DENND1A: variants seen among roughly 807,000 people sequenced by gnomAD.
DENND1A encodes the protein DENN domain-containing protein 1A.
DENND1A carries 51 observed loss-of-function variants against 113.7 expected under a neutral mutation model. The observed-to-expected ratio is 0.45, with a 90% confidence interval of 0.36 to 0.57. The LOEUF (loss-of-function observed/expected upper bound fraction) is 0.57. DENND1A is among the 20% of genes least tolerant of loss of function. The pLI, the probability that DENND1A is intolerant of heterozygous loss-of-function variation, is 0.00. For missense variants in DENND1A, 1,258 were observed against 1,395.9 expected (o/e 0.90, Z 1.57); for synonymous variants, 565 against 570.8 (o/e 0.99, Z 0.14).
chr9:123,813,618 C>T (rs982792128), intron 2 of DENND1A, among the ~76,000 whole-genome samples: 2 of 152,054 alleles, frequency 1.3e-5, no homozygotes, highest in South Asian at 2.1e-4. Flanking sequence ...TATACTGAGT[C>T]GGCTTTACTT....
chr9:123,545,965 G>A lies in DENND1A; in HGVS notation c.993+11605C>T, dbSNP rs557799904. On this transcript the variant is annotated intron_variant, in intron 13 of 23. Coordinates refer to ENST00000394215, the MANE Select transcript of DENND1A (RefSeq NM_001352964.2). The stretch of plus-strand genomic sequence containing the variant: ...TTTTAAAACACCAGTAGCAGCAACC[G>A]TTTCTCTTTGCCACTGCTTCCACAA... Among the ~76,000 whole-genome samples, 141 of 152,248 alleles carry A rather than the reference G, an allele frequency of 9.3e-4. 1 individual carries two copies. In the South Asian group the frequency reaches 0.024, roughly 26 times the overall value.
intron 19 of DENND1A, among the ~76,000 whole-genome samples, chr9:123,437,354 C>G (rs1186151517): frequency 6.6e-6 from 1 of 152,206 alleles, no homozygotes; most frequent in Admixed American, 6.5e-5. Context: ...CGACACTAAG[C>G]TCCCCTCTTG....
rs1221445494 is a variant in DENND1A at position 123,878,341 on chromosome 9, T to A, written c.88+610A>T. Among the ~76,000 whole-genome samples, 4 of 145,596 alleles carry A rather than the reference T, an allele frequency of 2.7e-5. No individual in the cohort carries two copies. The East Asian group carries it at 7.7e-4, about 28-fold the overall frequency. Reference sequence around the variant, plus strand: ...CTAGATCATAAGGTTATTTTTCTCATTAACCAAGAAAGATTTTAAGAAGAA... The same window carrying A: ...CTAGATCATAAGGTTATTTTTCTCAATAACCAAGAAAGATTTTAAGAAGAA... On this transcript the variant is annotated intron_variant, in intron 2 of 23. Transcript: ENST00000394215.
At chr9:123,901,982 G>A (rs1370639029) in intron 1 of DENND1A, among the ~76,000 whole-genome samples, 1 of 151,800 alleles carries the variant, frequency 6.6e-6, no homozygotes. Flanking sequence ...CTCTAGCCTG[G>A]GAGACAGAGC....
intron 2 of DENND1A, among the ~76,000 whole-genome samples, chr9:123,860,037 G>A (rs1488555119): frequency 6.6e-6 from 1 of 152,080 alleles, no homozygotes; most frequent in African/African-American, 2.4e-5. Flanking sequence ...TGGATGTGAA[G>A]GAAAGCATAA....
rs114781563 is a variant in DENND1A, at chr9:123,511,836, T to C, written c.993+45734A>G. On this transcript the variant is annotated intron_variant, in intron 13 of 23. Coordinates refer to ENST00000394215, the MANE Select transcript of DENND1A (RefSeq NM_001352964.2). ...AGAGACAGAAGAGCTGCAGCCCAGC[T>C]TGGCTGGGGGTTGCAGGGATTGTCT... is the stretch of plus-strand genomic sequence containing the variant. Among the ~76,000 whole-genome samples the C allele has an allele frequency of 4.4e-3, 670 of 152,326 alleles. 4 individuals are homozygous for C. Among genetic ancestry groups the C allele is most frequent in the African/African-American group, 0.015 (637 of 41,568 alleles).
chr9:123,869,512 T>C (rs938822725), intron 2 of DENND1A, among the ~76,000 whole-genome samples: 10 of 152,220 alleles, frequency 6.6e-5, no homozygotes, highest in Non-Finnish European at 1.3e-4. Context: ...TTTCTTTTTC[T>C]AAACAAGTCA....
At chr9:123,820,272 G>A (rs1365918344) in intron 2 of DENND1A, among the ~76,000 whole-genome samples, 3 of 152,212 alleles carry the variant, frequency 2.0e-5, no homozygotes, top group Non-Finnish European at 4.4e-5. Flanking sequence ...CTTCAAGGGG[G>A]CTGACTTCGT....
At chr9:123,896,424 T>C (rs958729450) in intron 1 of DENND1A, among the ~76,000 whole-genome samples, 1 of 152,122 alleles carries the variant, frequency 6.6e-6, no homozygotes, top group Non-Finnish European at 1.5e-5. Context: ...AAACCTTCTC[T>C]GGAAAAATCC....
At chr9:123,669,985 C>T (rs1188575676) in intron 7 of DENND1A, among the ~76,000 whole-genome samples, 3 of 152,146 alleles carry the variant, frequency 2.0e-5, no homozygotes, top group Non-Finnish European at 4.4e-5. Flanking sequence ...AACTACACGA[C>T]CTTGGAAGGG....
rs771612217 is a variant in DENND1A, at chr9:123,383,679, C to T, written c.1995G>A (p.Glu665=). The part of the protein sequence containing the change: ...EDLRAPKDLR[E]QPGTFDYQRL... ...CCTGATAGTCAAAGGTCCCTGGCTG[C>T]TCCCTCAGGTCTTTGGGGGCACGAA... Residue 665 remains glutamate, a synonymous_variant, in exon 23 of 24, where the codon GAG becomes GAA. Transcript: ENST00000394215. 1.9e-5 allele frequency: 31 copies of T among 1,614,004 alleles called. No homozygotes were observed. Among genetic ancestry groups the T allele is most frequent in the Non-Finnish European group, 2.6e-5 (31 of 1,179,960 alleles).
intron 11 of DENND1A, among the ~76,000 whole-genome samples, chr9:123,601,235 GA>G (rs2059923034): frequency 6.6e-6 from 1 of 152,172 alleles, no homozygotes; most frequent in African/African-American, 2.4e-5. Context: ...TAGTTAGACT[GA>G]AAACGTACTG....
chr9:123,390,284 C>T (rs1253394588), intron 21 of DENND1A, among the ~76,000 whole-genome samples: 2 of 152,212 alleles, frequency 1.3e-5, no homozygotes, highest in African/African-American at 4.8e-5. Context: ...TGGGGGAACC[C>T]CCACTTTACC....
intron 12 of DENND1A, among the ~76,000 whole-genome samples, chr9:123,579,655 G>A (rs1272097513): frequency 6.6e-6 from 1 of 152,156 alleles, no homozygotes; most frequent in African/African-American, 2.4e-5. Context: ...AGCAGAATCT[G>A]TCAGAGTAAA....
chr9:123,442,439 T>C (rs932350384), intron 18 of DENND1A, among the ~76,000 whole-genome samples: 3 of 152,136 alleles, frequency 2.0e-5, no homozygotes, highest in Non-Finnish European at 4.4e-5. Context: ...AGGGGTTCCA[T>C]CTGTGCTAGA....
intron 2 of DENND1A, among the ~76,000 whole-genome samples, chr9:123,803,760 C>T (rs575173634): frequency 2.0e-5 from 3 of 152,296 alleles, no homozygotes; most frequent in Non-Finnish European, 4.4e-5. Context: ...CACTTTCCAA[C>T]AGCTACCACC....
intron 9 of DENND1A, among the ~76,000 whole-genome samples, chr9:123,638,684 T>TC (rs771437529): frequency 2.6e-5 from 4 of 151,756 alleles, no homozygotes; most frequent in Non-Finnish European, 5.9e-5. Context: ...CTGGTCTCGA[T>TC]CTCCTGACCT....
chr9:123,926,792 T>C (rs1313661484), intron 1 of DENND1A, among the ~76,000 whole-genome samples: 1 of 152,086 alleles, frequency 6.6e-6, no homozygotes, highest in East Asian at 1.9e-4. Context: ...GTGCCAGGCA[T>C]TGAGTCTGAC....
chr9:123,837,603 T>C (rs1391098097), intron 2 of DENND1A, among the ~76,000 whole-genome samples: 1 of 152,140 alleles, frequency 6.6e-6, no homozygotes, highest in Non-Finnish European at 1.5e-5. Flanking sequence ...GACACCAAAC[T>C]ATTTTAAAAT....
Sources: allele counts gnomAD v4.1 joint callset (sites outside exome capture counted in the v4.1 genomes callset), GRCh38; gene constraint gnomAD v4.1.1; transcripts MANE v1.5; gene names NCBI Gene and HGNC (gene_info 2026-07-23, HGNC 2026-07-21).